POGLUT3: variants seen among roughly 807,000 people sequenced by gnomAD.
POGLUT3 encodes the protein protein O-glucosyltransferase 3.
In POGLUT3, 48 loss-of-function variants were observed where a neutral mutation model predicts 54.3. The observed-to-expected ratio is 0.88, with a 90% CI of 0.70 to 1.12. The LOEUF is 1.12. POGLUT3 is among the 50% of genes most tolerant of loss of function. POGLUT3 has a pLI of 0.00. For synonymous variants in POGLUT3, 218 were observed against 237.4 expected, an observed-to-expected ratio of 0.92 and a Z score of 0.75; for missense variants, 629 against 618.7, an observed-to-expected ratio of 1.02 and a Z score of -0.18.
intron 7 of POGLUT3, among the ~76,000 whole-genome samples, chr11:108,475,473 T>TTG (rs1262903460): frequency 5.5e-5 from 8 of 146,438 alleles, no homozygotes; most frequent in Admixed American, 3.4e-4. Context: ...GTTTTTGTTT[T>TTG]TTTTTTTTTT....
rs200951518 is a variant in POGLUT3 at position 108,481,302 on chromosome 11, C to T, written c.976G>A (p.Val326Ile). 1.8e-5 allele frequency: 29 copies of T among 1,612,836 alleles called. No individual in the cohort carries two copies. The highest frequency in any genetic ancestry group is 3.3e-4 in the Middle Eastern group (2 of 6,060). ...RDSREERLQL[V>I]QLSKENPQLL... ...TGAGGATTTTCTTTGGACAGCTGTA[C>T]CAACTGGAGCCTCTCCTCTCGGCTG... Residue 326 changes from valine to isoleucine, a missense_variant, in exon 5 of 8, where the codon GTA (valine) becomes ATA (isoleucine). Physicochemically the swap from Val to Ile is conservative, Grantham distance 29. Transcript: ENST00000323468.
intron 7 of POGLUT3, among the ~76,000 whole-genome samples, chr11:108,475,823 G>A (rs1237912281): frequency 1.3e-5 from 2 of 151,866 alleles, no homozygotes; most frequent in East Asian, 3.9e-4. Flanking sequence ...GTATATTCCT[G>A]GTACTGGACC....
At chr11:108,495,529 T>A (rs1358196543) in intron 1 of POGLUT3, among the ~76,000 whole-genome samples, 1 of 152,148 alleles carries the variant, frequency 6.6e-6, no homozygotes, top group African/African-American at 2.4e-5. Context: ...GTGGCAGAAA[T>A]GTAAGAAACT....
At chr11:108,494,661 A>C (rs1304803907) in intron 1 of POGLUT3, among the ~76,000 whole-genome samples, 1 of 152,230 alleles carries the variant, frequency 6.6e-6, no homozygotes, top group Non-Finnish European at 1.5e-5. Context: ...AAATTAAGCA[A>C]GCCATAGTAT....
rs1424853302 is a variant in POGLUT3, at chr11:108,498,292, C to CACCT, written c.71_74dup (p.Leu26GlyfsTer45). The CACCT allele has an allele frequency of 2.0e-6, 3 of 1,475,334 alleles. No individual in the cohort carries two copies. In the African/African-American group the frequency reaches 4.4e-5, roughly 22 times the overall value. The allele number at this position is 1,475,334 out of a possible 1,614,324, so 91.4% of individuals were successfully genotyped here. ...CCAGGCTCCGCGGCGCGCTGACCAG[C>CACCT]ACCTCCGGGGCCCCCGCGGCCACCA... is the stretch of plus-strand genomic sequence containing the variant. On this transcript the variant is annotated frameshift_variant, in exon 1 of 8. Coordinates refer to ENST00000323468, the MANE Select transcript of POGLUT3 (RefSeq NM_153705.5). LOFTEE classifies it high-confidence loss of function.
chr11:108,475,460 TTTGTTTTTG>T (rs1443182301), intron 7 of POGLUT3, among the ~76,000 whole-genome samples: 2 of 125,230 alleles, frequency 1.6e-5, no homozygotes, highest in African/African-American at 6.4e-5. Context: ...TGGAGTTTTT[TTTGTTTTTG>T]TTTTTTTTTT....
rs746129143 is a variant in POGLUT3 at position 108,479,375 on chromosome 11, G to C, written c.1219C>G (p.Leu407Val). 3 of 1,612,966 alleles carry C rather than the reference G, an allele frequency of 1.9e-6. No individual in the cohort carries two copies. The South Asian group carries it at 3.3e-5, about 18-fold the overall frequency. Residue 407 changes from leucine to valine, a missense_variant, in exon 6 of 8, where the codon CTA (leucine) becomes GTA (valine). Coordinates refer to ENST00000323468, the MANE Select transcript of POGLUT3 (RefSeq NM_153705.5). ...SPYYEHFYMA[L>V]EPWKHYVPIK... is the part of the protein sequence containing the mutation. ...GGAACATAATGCTTCCAAGGTTCTA[G>C]TGCCATGTAGAAATGTTCATAATAT... is the stretch of plus-strand genomic sequence containing the variant.
intron 7 of POGLUT3, among the ~76,000 whole-genome samples, chr11:108,477,219 T>A (rs2093583582): frequency 1.3e-5 from 2 of 152,052 alleles, no homozygotes; most frequent in East Asian, 3.9e-4. Flanking sequence ...CTGGCCAACA[T>A]GGCGAAACTC....
chr11:108,496,470 C>G (rs2840346), intron 1 of POGLUT3, among the ~76,000 whole-genome samples: 13,561 of 152,168 alleles, frequency 0.089, 1,890 homozygotes, highest in African/African-American at 0.3. Flanking sequence ...CTACAAAGCA[C>G]AGCTGAATAA....
chr11:108,484,896 A>C (rs977742756), intron 3 of POGLUT3, among the ~76,000 whole-genome samples: 1 of 152,194 alleles, frequency 6.6e-6, no homozygotes, highest in African/African-American at 2.4e-5. Context: ...GCTCTGCTTA[A>C]GAGGAATTTA....
chr11:108,481,521 C>T (rs535451955), intron 4 of POGLUT3, 145 bp from the exon 5 acceptor site: 33 of 586,950 alleles, frequency 5.6e-5, no homozygotes, highest in Admixed American at 1.2e-4. Context: ...GTTATTTCAA[C>T]GAAAATATGG....
chr11:108,478,355 C>A (rs1193629793), intron 6 of POGLUT3, among the ~76,000 whole-genome samples: 2 of 152,116 alleles, frequency 1.3e-5, no homozygotes, highest in Non-Finnish European at 2.9e-5. Context: ...CATCTTGGTA[C>A]CTTCCTGGCC....
At chr11:108,486,857 G>A (rs752084688) in intron 2 of POGLUT3, 14 of 158,262 alleles carry the variant, frequency 8.8e-5, no homozygotes, top group Non-Finnish European at 1.7e-4. Context: ...GCATTCCAAA[G>A]TTAATCTGAA....
chr11:108,496,986 T>C (rs759993376), intron 1 of POGLUT3, among the ~76,000 whole-genome samples: 9 of 152,342 alleles, frequency 5.9e-5, no homozygotes, highest in Non-Finnish European at 1.2e-4. Flanking sequence ...GCAAACCTTC[T>C]CATCCTTCAA....
intron 7 of POGLUT3, among the ~76,000 whole-genome samples, chr11:108,477,154 A>T (rs1005056584): frequency 7.9e-5 from 12 of 152,202 alleles, no homozygotes; most frequent in African/African-American, 2.9e-4. Flanking sequence ...GTATCCCAGC[A>T]CTTCAGGAGG....
chr11:108,486,346 T>G lies in POGLUT3; in HGVS notation c.495A>C (p.Lys165Asn). The change falls in exon 3 of 8, where the codon AAA (lysine) becomes AAC (asparagine). Residue 165 changes from lysine (K) to asparagine (N), a missense_variant. By Grantham distance (94) the Lys-to-Asn change is moderately conservative. Transcript: ENST00000323468. ...TGATGCTGGGAAAGGAAGCAAAATCTTTTGCAATCTGTGGTTCCTTGGTTG... is the reference window on the plus strand; with the variant it reads ...TGATGCTGGGAAAGGAAGCAAAATCGTTTGCAATCTGTGGTTCCTTGGTTG... The part of the protein sequence containing the change: ...SCPTKEPQIA[K>N]DFASFPSINL... 2 of 1,614,174 alleles carry G rather than the reference T, an allele frequency of 1.2e-6. No individual in the cohort carries two copies. The highest frequency in any genetic ancestry group is 2.2e-5 in the South Asian group (2 of 91,078).
intron 2 of POGLUT3, among the ~76,000 whole-genome samples, chr11:108,489,722 G>C (rs967741419): frequency 6.6e-6 from 1 of 152,086 alleles, no homozygotes; most frequent in Non-Finnish European, 1.5e-5. Context: ...AGGAGTTTGA[G>C]ATTAGCCTAG....
At chr11:108,491,360 T>TC (rs1159432946) in intron 1 of POGLUT3, 193 bp from the exon 2 acceptor site, 1 of 614,518 alleles carries the variant, frequency 1.6e-6, no homozygotes, top group East Asian at 2.7e-5. Flanking sequence ...TTTTTTTTTT[T>TC]TTTTTCTTTT....
rs1425119437 is a variant in POGLUT3, at chr11:108,474,831, A to C, written c.1520T>G (p.Leu507Arg). Residue 507 changes from leucine to arginine, a missense_variant, in exon 8 of 8, where the codon CTT (leucine) becomes CGT (arginine). By Grantham distance (102) the Leu-to-Arg change is moderately radical. Transcript: ENST00000323468. The stretch of plus-strand genomic sequence containing the variant: ...GGAGTGTGATTCTGGGCTGACTCAA[A>C]GTTCTTCTCTTGAAGGCTTTTTCCT... The part of the protein sequence containing the change: ...CHRKKPSREE[L>R] The C allele has an allele frequency of 4.3e-6, 7 of 1,613,960 alleles. No homozygotes were observed. In the East Asian group the frequency reaches 1.3e-4, roughly 31 times the overall value.
Sources: allele counts gnomAD v4.1 joint callset (sites outside exome capture counted in the v4.1 genomes callset), GRCh38; gene constraint gnomAD v4.1.1; transcripts MANE v1.5; gene names NCBI Gene and HGNC (gene_info 2026-07-23, HGNC 2026-07-21).